The following YEATS2 variants were observed in gnomAD, a reference collection of about 807,000 sequenced individuals.
YEATS2 encodes YEATS domain-containing protein 2.
In YEATS2, 77 loss-of-function variants were observed where a neutral mutation model predicts 163.2. That is an observed-to-expected ratio of 0.47 (90% confidence interval 0.39 to 0.57). The LOEUF is 0.57. Ranked by LOEUF, YEATS2 falls within the 20% of genes least tolerant of loss-of-function variation. The pLI, the probability that YEATS2 is intolerant of heterozygous loss-of-function variation, is 0.00. For synonymous variants in YEATS2, 631 were observed against 645.1 expected (o/e 0.98, Z 0.33); for missense variants, 1,549 against 1,729.8 (o/e 0.90, Z 1.85).
At chr3:183,742,074 G>T (rs1719036608) in intron 8 of YEATS2, among the ~76,000 whole-genome samples, 1 of 151,804 alleles carries the variant, frequency 6.6e-6, no homozygotes, top group African/African-American at 2.4e-5. Context: ...GCTGGACATG[G>T]TGGCGCTTGC....
At chr3:183,720,486 G>A (rs1166046704) in intron 4 of YEATS2, among the ~76,000 whole-genome samples, 1 of 152,114 alleles carries the variant, frequency 6.6e-6, no homozygotes, top group Non-Finnish European at 1.5e-5. Flanking sequence ...AGGGCTGGAG[G>A]GTAACAGTAA....
At position 183,762,092 on chromosome 3, in the gene YEATS2, G is replaced by A. The variant is rs1424587140; in HGVS notation, c.1765-5G>A. ...TTTATTCAGTGTCATTATGTTTGTTGCAAGGTGATCATCAAACAGGAACCT... is the reference window on the plus strand; with the variant it reads ...TTTATTCAGTGTCATTATGTTTGTTACAAGGTGATCATCAAACAGGAACCT... On this transcript the variant is annotated splice_region_variant and splice_polypyrimidine_tract_variant and intron_variant, in intron 14 of 30. Coordinates refer to ENST00000305135, the MANE Select transcript of YEATS2 (RefSeq NM_018023.5). 1 of 1,614,030 alleles carries A rather than the reference G, an allele frequency of 6.2e-7. No individual in the cohort carries two copies. The highest frequency in any genetic ancestry group is 1.7e-5 in the Admixed American group (1 of 60,012).
intron 9 of YEATS2, among the ~76,000 whole-genome samples, chr3:183,750,320 C>T (rs1186013496): frequency 3.3e-5 from 5 of 152,168 alleles, no homozygotes; most frequent in Non-Finnish European, 7.4e-5. Flanking sequence ...TTTGTTTATC[C>T]GTTCACCTGC....
At chr3:183,789,473 T>C (rs1050597389) in intron 20 of YEATS2, among the ~76,000 whole-genome samples, 2 of 151,590 alleles carry the variant, frequency 1.3e-5, no homozygotes, top group Non-Finnish European at 2.9e-5. Context: ...TGTTTTCTTC[T>C]AAGTTTTATA....
At chr3:183,706,091 T>TC (rs1714589318) in intron 1 of YEATS2, among the ~76,000 whole-genome samples, 1 of 151,872 alleles carries the variant, frequency 6.6e-6, no homozygotes, top group African/African-American at 2.4e-5. Flanking sequence ...ATTGAGCACT[T>TC]CCAGGAACTT....
chr3:183,724,356 T>C, intron 5 of YEATS2, 63 bp from the exon 6 acceptor site: 2 of 1,203,960 alleles, frequency 1.7e-6, no homozygotes, highest in Admixed American at 2.5e-5. Flanking sequence ...TACAATTTTG[T>C]GGTTTCTGTC....
chr3:183,793,609 CTTTTTTTTTTTTT>C (rs35098553), intron 21 of YEATS2: 2 of 107,688 alleles, frequency 1.9e-5, no homozygotes, highest in Non-Finnish European at 3.4e-5. Context: ...TTCTTTCTTT[CTTTTTTTTTTTTT>C]TTTTTTTGAG....
At position 183,810,872 on chromosome 3, in the gene YEATS2, C is replaced by T; in HGVS notation, c.*289C>T. 1 of 374,878 alleles carries T rather than the reference C, an allele frequency of 2.7e-6. No individual in the cohort carries two copies. 23.2% of individuals were successfully genotyped at this position (374,878 alleles called of 1,614,324 possible). ...AAAGGCCCCACGAGAGCGGGCCAGG[C>T]CGTGTGCCTCAGGCCCTTCTCCCTG... On this transcript the variant is annotated 3_prime_UTR_variant, in exon 31 of 31. Transcript: ENST00000305135.
chr3:183,730,052 G>GT lies in YEATS2; in HGVS notation c.812+1236dup, dbSNP rs869091775. Among the ~76,000 whole-genome samples, 194 of 41,716 alleles carry GT rather than the reference G, an allele frequency of 4.7e-3. 22 individuals are homozygous for GT. The highest frequency in any genetic ancestry group is 5.1e-3 in the Non-Finnish European group (117 of 22,806). 27.4% of individuals were successfully genotyped at this position (41,716 alleles called of 152,430 possible). A position where few individuals can be genotyped will look rare whatever the true frequency, so the allele number is the denominator to read the frequency against. On this transcript the variant is annotated intron_variant, in intron 7 of 30. Coordinates refer to ENST00000305135, the MANE Select transcript of YEATS2 (RefSeq NM_018023.5). ...ATATTAATTGTGTGGTTTTTTGTTT[G>GT]TTTTTTTTTTTTTTTTTTTTTTTTT...
chr3:183,764,189 T>G (rs997791189), intron 15 of YEATS2, among the ~76,000 whole-genome samples: 2 of 151,722 alleles, frequency 1.3e-5, no homozygotes, highest in Non-Finnish European at 2.9e-5. Flanking sequence ...CCTGGTCAAC[T>G]TGGTGAAACT....
chr3:183,748,055 T>A (rs1719745039), intron 9 of YEATS2, among the ~76,000 whole-genome samples: 1 of 152,000 alleles, frequency 6.6e-6, no homozygotes, highest in Non-Finnish European at 1.5e-5. Flanking sequence ...TTTTTTAAAG[T>A]TTGCCTTTCT....
intron 21 of YEATS2, among the ~76,000 whole-genome samples, chr3:183,797,273 A>G (rs1725241649): frequency 6.6e-6 from 1 of 150,494 alleles, no homozygotes; most frequent in Non-Finnish European, 1.5e-5. Context: ...AACTCTGAAA[A>G]AAAAAAAAAA....
rs1238553600 is a variant in YEATS2 at position 183,718,382 on chromosome 3, T to G, written c.199-118T>G. 1.1e-5 allele frequency: 8 copies of G among 708,194 alleles called. No homozygotes were observed. In the East Asian group the frequency reaches 2.1e-4, roughly 18 times the overall value. 43.9% of individuals were successfully genotyped at this position (708,194 alleles called of 1,614,324 possible). A position where few individuals can be genotyped will look rare whatever the true frequency, so the allele number is the denominator to read the frequency against. ...CACTTTTATTTGTTTTTCTTTTGAT[T>G]GTTAGAGAAGTTGAGCTTTTTTTTT... On this transcript the variant is annotated intron_variant, in intron 3 of 30. Coordinates refer to ENST00000305135, the MANE Select transcript of YEATS2 (RefSeq NM_018023.5).
At chr3:183,733,012 C>T (rs1328619133) in intron 7 of YEATS2, among the ~76,000 whole-genome samples, 1 of 152,022 alleles carries the variant, frequency 6.6e-6, no homozygotes, top group African/African-American at 2.4e-5. Flanking sequence ...AGGCGTGTGC[C>T]ACCTATGTCC....
chr3:183,701,071 G>T (rs185900435), intron 1 of YEATS2, among the ~76,000 whole-genome samples: 1 of 146,676 alleles, frequency 6.8e-6, no homozygotes, highest in Non-Finnish European at 1.5e-5. Context: ...GTGTGTGTGT[G>T]TATATATATA....
intron 24 of YEATS2, 44 bp from the exon 25 acceptor site, chr3:183,801,411 C>G: frequency 2.8e-6 from 4 of 1,436,166 alleles, no homozygotes; most frequent in Non-Finnish European, 3.9e-6. Flanking sequence ...GAAACTGCTA[C>G]ATGTATTTAA....
Position 183,762,213 on chromosome 3 carries a change from C to T in YEATS2, c.1881C>T (p.Ser627=), listed in dbSNP as rs1721437596. The T allele has an allele frequency of 6.2e-7, 1 of 1,613,956 alleles. No individual in the cohort carries two copies. Residue 627 remains serine, a synonymous_variant, in exon 15 of 31, where the codon TCC becomes TCT. Coordinates refer to ENST00000305135, the MANE Select transcript of YEATS2 (RefSeq NM_018023.5). The part of the protein sequence containing the change: ...TVKGGHMIAV[S]PQKQVITPGE... ...AAGGGGGTCACATGATAGCTGTGTC[C>T]CCTCAAAAACAGGTCATAACTCCTG...
chr3:183,702,971 G>A (rs1252860614), intron 1 of YEATS2, among the ~76,000 whole-genome samples: 7 of 152,188 alleles, frequency 4.6e-5, no homozygotes, highest in Admixed American at 3.9e-4. Context: ...CAAGGTTGTA[G>A]ACAGCGTACT....
intron 6 of YEATS2, 28 bp downstream of exon 6, chr3:183,724,559 T>C (rs1281625096): frequency 1.3e-6 from 2 of 1,515,766 alleles, no homozygotes; most frequent in South Asian, 2.3e-5. Flanking sequence ...TTTATTTTTA[T>C]TTGTCCATTT....
Sources: gnomAD v4.1 joint callset for allele counts (sites outside exome capture counted in the v4.1 genomes callset) on GRCh38, gnomAD v4.1.1 for gene constraint, MANE v1.5 for transcripts, NCBI Gene and HGNC (gene_info 2026-07-23, HGNC 2026-07-21) for gene names.